CCNY: variants seen among roughly 807,000 people sequenced by gnomAD.
The protein encoded by CCNY is cyclin Y.
A neutral mutation model predicts 42.8 loss-of-function variants in CCNY; 19 were observed. The observed-to-expected ratio is 0.44, with a 90% CI of 0.31 to 0.65. CCNY has a LOEUF of 0.65. Ranked by LOEUF, CCNY falls within the 30% of genes least tolerant of loss-of-function variation. The pLI is 0.07. For missense variants in CCNY, 370 were observed against 437.3 expected, an observed-to-expected ratio of 0.85 and a Z score of 1.37; for synonymous variants, 165 against 162.7, an observed-to-expected ratio of 1.01 and a Z score of -0.11.
At chr10:35,422,204 G>A (rs551299228) in intron 1 of CCNY, among the ~76,000 whole-genome samples, 2 of 151,284 alleles carry the variant, frequency 1.3e-5, no homozygotes, top group Non-Finnish European at 1.5e-5. Context: ...ACCTACAGTC[G>A]TCAATAAAAC....
chr10:35,317,310 T>A (rs569523647), intron 3 of CCNY, among the ~76,000 whole-genome samples: 49 of 152,280 alleles, frequency 3.2e-4, no homozygotes, highest in African/African-American at 1.1e-3. Context: ...TACTTTCTGA[T>A]CACACTCTGC....
chr10:35,377,656 G>A (rs907784918), intron 1 of CCNY, among the ~76,000 whole-genome samples: 72 of 152,106 alleles, frequency 4.7e-4, no homozygotes, highest in African/African-American at 1.7e-3. Flanking sequence ...ACTCAATAAT[G>A]GAAATTGTAG....
chr10:35,566,496 C>T (rs1221872136), intron 9 of CCNY, among the ~76,000 whole-genome samples: 1 of 152,134 alleles, frequency 6.6e-6, no homozygotes, highest in Non-Finnish European at 1.5e-5. Flanking sequence ...TGCCTGCCAC[C>T]ACACCCGGTT....
chr10:35,332,858 C>A (rs1014058788), upstream of CCNY, among the ~76,000 whole-genome samples: 1 of 152,214 alleles, frequency 6.6e-6, no homozygotes, highest in Non-Finnish European at 1.5e-5. Context: ...CTCACCTCAG[C>A]CTCCCAAACT....
intron 3 of CCNY, among the ~76,000 whole-genome samples, chr10:35,252,277 A>G (rs1400915238): frequency 6.6e-6 from 1 of 152,020 alleles, no homozygotes; most frequent in Non-Finnish European, 1.5e-5. Flanking sequence ...AAATATGAGA[A>G]TATCCTGGCC....
chr10:35,494,403 A>G (rs1204925972), intron 2 of CCNY, among the ~76,000 whole-genome samples: 1 of 152,176 alleles, frequency 6.6e-6, no homozygotes, highest in East Asian at 1.9e-4. Flanking sequence ...AGTCTCACTT[A>G]AAAAATAAAA....
intron 1 of CCNY, among the ~76,000 whole-genome samples, chr10:35,466,539 G>A (rs911259670): frequency 3.3e-5 from 5 of 152,154 alleles, no homozygotes; most frequent in South Asian, 2.1e-4. Context: ...AGGTGTGTCC[G>A]CCTGTGCCTG....
chr10:35,491,700 G>GCCT (rs1839900448), intron 2 of CCNY, among the ~76,000 whole-genome samples: 1 of 152,026 alleles, frequency 6.6e-6, no homozygotes, highest in African/African-American at 2.4e-5. Context: ...TGCATGCTCT[G>GCCT]CCTCCCGGGT....
intron 1 of CCNY, among the ~76,000 whole-genome samples, chr10:35,409,981 G>C (rs1837868205): frequency 6.6e-6 from 1 of 152,110 alleles, no homozygotes; most frequent in Non-Finnish European, 1.5e-5. Context: ...GGGCTCCAGT[G>C]ATCCTCCCAC....
chr10:35,340,106 A>C (rs1052929949), intron 1 of CCNY, among the ~76,000 whole-genome samples: 2 of 152,222 alleles, frequency 1.3e-5, no homozygotes, highest in Non-Finnish European at 2.9e-5. Flanking sequence ...CAGTAACCCT[A>C]TGGGTAATAT....
At chr10:35,534,997 A>ATGTGTGTG (rs1376046634) in intron 7 of CCNY, among the ~76,000 whole-genome samples, 3 of 47,922 alleles carry the variant, frequency 6.3e-5, no homozygotes, top group South Asian at 1.4e-3. Context: ...AGATCTATAT[A>ATGTGTGTG]TATGTGTGTG....
intron 3 of CCNY, among the ~76,000 whole-genome samples, chr10:35,311,336 A>C (rs544873057): frequency 1.1e-3 from 169 of 151,840 alleles, no homozygotes; most frequent in African/African-American, 3.9e-3. Context: ...ACAACAACAA[A>C]AAAATACAGG....
chr10:35,544,920 T>C (rs1365182628), intron 7 of CCNY, among the ~76,000 whole-genome samples: 3 of 152,202 alleles, frequency 2.0e-5, no homozygotes, highest in African/African-American at 7.2e-5. Context: ...CATTTTTAGG[T>C]AGATGATCAG....
chr10:35,255,876 T>TGAGC (rs1565053736), intron 3 of CCNY, among the ~76,000 whole-genome samples: 2 of 152,240 alleles, frequency 1.3e-5, no homozygotes, highest in Non-Finnish European at 2.9e-5. Flanking sequence ...ATTACAGGTG[T>TGAGC]GAGCCACTGC....
chr10:35,324,513 C>T (rs916715036), intron 3 of CCNY, among the ~76,000 whole-genome samples: 2 of 152,168 alleles, frequency 1.3e-5, no homozygotes, highest in African/African-American at 4.8e-5. Context: ...CCGACAAATA[C>T]GTAGGTATCT....
chr10:35,442,142 A>C (rs373268248), intron 1 of CCNY, among the ~76,000 whole-genome samples: 1 of 152,226 alleles, frequency 6.6e-6, no homozygotes, highest in African/African-American at 2.4e-5. Context: ...CTTAGCCTGC[A>C]TGACCCACAG....
chr10:35,290,519 TTTA>T (rs1835401987), intron 3 of CCNY, among the ~76,000 whole-genome samples: 1 of 152,226 alleles, frequency 6.6e-6, no homozygotes, highest in Non-Finnish European at 1.5e-5. Context: ...ATTTCGTTGA[TTTA>T]TTTTTTATTG....
chr10:35,337,794 G>GAGA (rs1308858672), intron 1 of CCNY, among the ~76,000 whole-genome samples: 2 of 151,746 alleles, frequency 1.3e-5, no homozygotes, highest in Non-Finnish European at 2.9e-5. Flanking sequence ...AGCTTCTCCC[G>GAGA]AGAATGCTCT....
intron 1 of CCNY, among the ~76,000 whole-genome samples, chr10:35,411,024 C>T (rs968449630): frequency 1.3e-5 from 2 of 152,096 alleles, no homozygotes; most frequent in Non-Finnish European, 2.9e-5. Flanking sequence ...TGTACAACTT[C>T]GTTGTCATTA....
Sources: allele counts gnomAD v4.1 joint callset (sites outside exome capture counted in the v4.1 genomes callset), GRCh38; gene constraint gnomAD v4.1.1; transcripts MANE v1.5; gene names NCBI Gene and HGNC (gene_info 2026-07-23, HGNC 2026-07-21).